The following SIPA1L1 variants were observed in gnomAD, a reference collection of about 807,000 sequenced individuals.
SIPA1L1 encodes signal induced proliferation associated 1 like 1.
SIPA1L1 carries 26 observed loss-of-function variants against 162.7 expected under a neutral mutation model. The observed-to-expected ratio is 0.16, with a 90% CI of 0.12 to 0.22. SIPA1L1 has a LOEUF of 0.22. Ranked by LOEUF, SIPA1L1 falls within the 10% of genes least tolerant of loss-of-function variation. SIPA1L1 has a pLI of 1.00. For synonymous variants in SIPA1L1, 829 were observed against 837.4 expected (o/e 0.99, Z 0.17); for missense variants, 1,874 against 2,241.0 (o/e 0.84, Z 3.31).
intron 2 of SIPA1L1, among the ~76,000 whole-genome samples, chr14:71,386,198 A>T (rs1300830809): frequency 6.6e-6 from 1 of 152,224 alleles, no homozygotes; most frequent in Non-Finnish European, 1.5e-5. Flanking sequence ...GTCCCACAAT[A>T]GACCGTCTGT....
At chr14:71,549,553 A>G (rs2055591228) in intron 4 of SIPA1L1, among the ~76,000 whole-genome samples, 1 of 152,208 alleles carries the variant, frequency 6.6e-6, no homozygotes, top group Non-Finnish European at 1.5e-5. Context: ...TTTTAATCAC[A>G]AGTTGGCCAA....
At chr14:71,704,188 T>C (rs2082285188) in intron 15 of SIPA1L1, among the ~76,000 whole-genome samples, 1 of 152,132 alleles carries the variant, frequency 6.6e-6, no homozygotes, top group South Asian at 2.1e-4. Context: ...AACTGGCACA[T>C]CAGAAGGAAT....
intron 4 of SIPA1L1, among the ~76,000 whole-genome samples, chr14:71,566,022 T>G (rs2030468583): frequency 6.6e-6 from 1 of 152,058 alleles, no homozygotes; most frequent in Non-Finnish European, 1.5e-5. Flanking sequence ...ACATTGTCAT[T>G]TTGAAAATGA....
intron 17 of SIPA1L1, among the ~76,000 whole-genome samples, chr14:71,719,134 T>A (rs973081892): frequency 1.3e-5 from 2 of 152,010 alleles, no homozygotes; most frequent in Admixed American, 1.3e-4. Context: ...GAAACAGGGT[T>A]CGCCATATTG....
intron 2 of SIPA1L1, among the ~76,000 whole-genome samples, chr14:71,401,953 A>G (rs2041701739): frequency 6.6e-6 from 1 of 152,174 alleles, no homozygotes; most frequent in African/African-American, 2.4e-5. Context: ...TAATTTATAA[A>G]TTATGCCTAA....
At chr14:71,600,497 G>A (rs900111441) in intron 5 of SIPA1L1, among the ~76,000 whole-genome samples, 2 of 152,096 alleles carry the variant, frequency 1.3e-5, no homozygotes, top group Admixed American at 6.5e-5. Context: ...GATTACTGTA[G>A]CATCGTAATA....
At chr14:71,667,440 C>A (rs905092920) in intron 10 of SIPA1L1, among the ~76,000 whole-genome samples, 5 of 152,170 alleles carry the variant, frequency 3.3e-5, no homozygotes, top group African/African-American at 1.2e-4. Flanking sequence ...GGGACATCTT[C>A]AGCCTTGATC....
chr14:71,710,204 T>C (rs969536421), intron 17 of SIPA1L1, among the ~76,000 whole-genome samples: 1 of 152,216 alleles, frequency 6.6e-6, no homozygotes, highest in African/African-American at 2.4e-5. Flanking sequence ...GAGTGGGGGA[T>C]GTCCAATAGA....
At chr14:71,578,653 AATC>A (rs1401027958) in intron 4 of SIPA1L1, among the ~76,000 whole-genome samples, 2 of 152,210 alleles carry the variant, frequency 1.3e-5, no homozygotes, top group African/African-American at 2.4e-5. Flanking sequence ...TTATTAAGAA[AATC>A]ATCAGGAAGA....
At chr14:71,489,140 G>A (rs2049019400) in intron 2 of SIPA1L1, among the ~76,000 whole-genome samples, 2 of 152,192 alleles carry the variant, frequency 1.3e-5, no homozygotes, top group African/African-American at 2.4e-5. Context: ...TTAAATGGAG[G>A]TCAGATTTAG....
At chr14:71,598,219 A>G in intron 5 of SIPA1L1, 1 of 985,432 alleles carries the variant, frequency 1.0e-6, no homozygotes, top group Non-Finnish European at 1.2e-6. Context: ...GCCATCACAG[A>G]GACTGATTTT....
chr14:71,534,780 A>T (rs2053746888), intron 4 of SIPA1L1, among the ~76,000 whole-genome samples: 2 of 152,196 alleles, frequency 1.3e-5, no homozygotes, highest in Admixed American at 1.3e-4. Flanking sequence ...CAATTTAAAG[A>T]TGGAGAAGCC....
In SIPA1L1 at chr14:71,669,140, C is replaced by T. The variant is rs117174696; in HGVS notation, c.2256-1979C>T. Among the ~76,000 whole-genome samples, 423 of 152,300 alleles carry T rather than the reference C, an allele frequency of 2.8e-3. 3 individuals are homozygous for T. Among genetic ancestry groups the T allele is most frequent in the Admixed American group, 5.5e-3 (84 of 15,296 alleles). ...TGTAAGGATTCTATTTCTGACTATG[C>T]GAAGCTGATTTCAGTGCCTGTATCA... On this transcript the variant is annotated intron_variant, in intron 10 of 23. Coordinates refer to ENST00000381232, the MANE Select transcript of SIPA1L1 (RefSeq NM_001386936.1).
chr14:71,472,174 C>T (rs928248845), intron 2 of SIPA1L1, among the ~76,000 whole-genome samples: 1 of 152,158 alleles, frequency 6.6e-6, no homozygotes, highest in African/African-American at 2.4e-5. Flanking sequence ...TCATGTCCTT[C>T]TGTGTCAGCT....
intron 12 of SIPA1L1, among the ~76,000 whole-genome samples, chr14:71,676,307 A>G (rs187615004): frequency 1.4e-3 from 209 of 151,694 alleles, no homozygotes; most frequent in Non-Finnish European, 2.5e-3. Context: ...AATAAGAATA[A>G]ATAAATAAAA....
intron 20 of SIPA1L1, among the ~76,000 whole-genome samples, chr14:71,732,055 C>A (rs186782960): frequency 6.6e-6 from 1 of 152,310 alleles, no homozygotes; most frequent in Admixed American, 6.5e-5. Context: ...CCTACTTACC[C>A]TTGGTAGGAG....
At chr14:71,626,208 G>A (rs1429508969) in intron 7 of SIPA1L1, among the ~76,000 whole-genome samples, 1 of 152,104 alleles carries the variant, frequency 6.6e-6, no homozygotes, top group African/African-American at 2.4e-5. Flanking sequence ...TTGGCAATCA[G>A]TCAGTCTCTT....
intron 4 of SIPA1L1, among the ~76,000 whole-genome samples, chr14:71,561,668 A>G (rs151318408): frequency 6.6e-6 from 1 of 152,260 alleles, no homozygotes; most frequent in East Asian, 1.9e-4. Flanking sequence ...GCTCACTGCA[A>G]ACTCCTCCTC....
chr14:71,510,494 CCTTT>C (rs2051057235), intron 2 of SIPA1L1, among the ~76,000 whole-genome samples: 1 of 152,054 alleles, frequency 6.6e-6, no homozygotes, highest in Admixed American at 6.6e-5. Context: ...GGCCTAATCC[CCTTT>C]CTTTATGTAC....
Sources: allele counts gnomAD v4.1 joint callset (sites outside exome capture counted in the v4.1 genomes callset), GRCh38; gene constraint gnomAD v4.1.1; transcripts MANE v1.5; gene names NCBI Gene and HGNC (gene_info 2026-07-23, HGNC 2026-07-21).